Variants in CARMIL1 observed in about 807,000 individuals in gnomAD.
CARMIL1 encodes F-actin-uncapping protein LRRC16A.
A neutral mutation model predicts 177.1 loss-of-function variants in CARMIL1; 90 were observed. The observed-to-expected ratio is 0.51, with a 90% CI of 0.43 to 0.61. The LOEUF is 0.61. CARMIL1 is among the 20% of genes least tolerant of loss of function. CARMIL1 has a pLI of 0.00. For synonymous variants in CARMIL1, 577 were observed against 606.2 expected, an observed-to-expected ratio of 0.95 and a Z score of 0.71; for missense variants, 1,380 against 1,667.0, an observed-to-expected ratio of 0.83 and a Z score of 3.00.
chr6:25,423,490 G>A (rs1291131826), intron 3 of CARMIL1, among the ~76,000 whole-genome samples: 1 of 152,198 alleles, frequency 6.6e-6, no homozygotes, highest in Non-Finnish European at 1.5e-5. Context: ...TTAGCAGTTT[G>A]GAAGACCACA....
chr6:25,463,908 T>C (rs1270230023), intron 8 of CARMIL1, among the ~76,000 whole-genome samples: 2 of 142,786 alleles, frequency 1.4e-5, no homozygotes, highest in Admixed American at 7.4e-5. Flanking sequence ...CTGCAAGCTC[T>C]GCCTCCCGGG....
intron 2 of CARMIL1, among the ~76,000 whole-genome samples, chr6:25,303,328 T>C (rs950868884): frequency 6.6e-6 from 1 of 152,194 alleles, no homozygotes; most frequent in Non-Finnish European, 1.5e-5. Flanking sequence ...GCATCTCATT[T>C]CCTATTGGTT....
At chr6:25,461,198 G>A (rs531986474) in intron 8 of CARMIL1, among the ~76,000 whole-genome samples, 23 of 152,276 alleles carry the variant, frequency 1.5e-4, no homozygotes, top group African/African-American at 5.5e-4. Context: ...TGTAGAGACT[G>A]TTACCTTGCC....
rs556569872 is a variant in CARMIL1 at position 25,345,686 on chromosome 6, C to T, written c.138+60777C>T. 2.6e-5 allele frequency among the ~76,000 whole-genome samples: 4 copies of T among 152,202 alleles called. No individual in the cohort carries two copies. The East Asian group carries it at 5.8e-4, about 22-fold the overall frequency. ...GGCTTGAGTGCAGTGGCGTGATTTC[C>T]GCTCACTGCAACCTCCACCTCCCAG... is the stretch of plus-strand genomic sequence containing the variant. On this transcript the variant is annotated intron_variant, in intron 2 of 36. Coordinates refer to ENST00000329474, the MANE Select transcript of CARMIL1 (RefSeq NM_017640.6).
intron 17 of CARMIL1, among the ~76,000 whole-genome samples, chr6:25,504,314 A>G (rs1012068003): frequency 2.0e-5 from 3 of 152,118 alleles, no homozygotes; most frequent in African/African-American, 7.2e-5. Flanking sequence ...TAAGCAAATT[A>G]TTTTTGATTT....
intron 31 of CARMIL1, among the ~76,000 whole-genome samples, chr6:25,582,257 G>T (rs2151255311): frequency 6.6e-6 from 1 of 152,250 alleles, no homozygotes; most frequent in African/African-American, 2.4e-5. Flanking sequence ...GACACAGAAA[G>T]CTCTGTCATT....
At chr6:25,290,842 G>A (rs2064206) in intron 2 of CARMIL1, among the ~76,000 whole-genome samples, 109,972 of 152,118 alleles carry the variant, frequency 0.72, 40,433 homozygotes, top group African/African-American at 0.85. Flanking sequence ...CTGGAGTGCA[G>A]TGGCACTATC....
chr6:25,410,344 A>AAT (rs2150632258), intron 2 of CARMIL1, among the ~76,000 whole-genome samples: 1 of 152,272 alleles, frequency 6.6e-6, no homozygotes, highest in East Asian at 1.9e-4. Flanking sequence ...AGAAAAGTGA[A>AAT]ACTGATTTCT....
chr6:25,548,412 G>T (rs1487932716), intron 26 of CARMIL1, among the ~76,000 whole-genome samples: 1 of 152,140 alleles, frequency 6.6e-6, no homozygotes, highest in Non-Finnish European at 1.5e-5. Flanking sequence ...ACAATACTTT[G>T]CAGTTGACCT....
At chr6:25,563,796 G>C (rs74618676) in intron 29 of CARMIL1, 25,372 of 985,308 alleles carry the variant, frequency 0.026, 573 homozygotes, top group South Asian at 0.11. Context: ...CAGAACCACC[G>C]TCTGTGTAAA....
chr6:25,408,499 A>G (rs1048280900), intron 2 of CARMIL1, among the ~76,000 whole-genome samples: 29 of 152,220 alleles, frequency 1.9e-4, no homozygotes, highest in Non-Finnish European at 3.8e-4. Flanking sequence ...ACACTTTTCT[A>G]AGCACCTTGT....
chr6:25,397,805 G>A (rs185652170), intron 2 of CARMIL1, among the ~76,000 whole-genome samples: 136 of 152,088 alleles, frequency 8.9e-4, no homozygotes, highest in African/African-American at 3.2e-3. Flanking sequence ...TAATTTTCTC[G>A]GGGAATACAT....
intron 20 of CARMIL1, among the ~76,000 whole-genome samples, chr6:25,514,837 T>C (rs1805810529): frequency 6.6e-6 from 1 of 151,568 alleles, no homozygotes; most frequent in Non-Finnish European, 1.5e-5. Flanking sequence ...GGTGGGAGGA[T>C]GGCTTGAGCC....
chr6:25,314,294 G>A, intron 2 of CARMIL1, among the ~76,000 whole-genome samples: 1 of 139,694 alleles, frequency 7.2e-6, no homozygotes, highest in African/African-American at 2.7e-5. Context: ...CCAACATGGT[G>A]AAACCCTGTC....
At chr6:25,585,429 AATGCCAGC>A (rs1296203967) in intron 31 of CARMIL1, among the ~76,000 whole-genome samples, 1 of 152,254 alleles carries the variant, frequency 6.6e-6, no homozygotes, top group African/African-American at 2.4e-5. Flanking sequence ...GGCTGAGTTA[AATGCCAGC>A]ATGCCAGTTT....
chr6:25,282,337 T>C (rs1781194024), intron 1 of CARMIL1, among the ~76,000 whole-genome samples: 2 of 152,134 alleles, frequency 1.3e-5, no homozygotes, highest in Non-Finnish European at 2.9e-5. Flanking sequence ...GAGTGGCCTG[T>C]GCTTGTTTCT....
chr6:25,517,697 C>G (rs1432542852), intron 22 of CARMIL1, among the ~76,000 whole-genome samples: 1 of 152,168 alleles, frequency 6.6e-6, no homozygotes, highest in Non-Finnish European at 1.5e-5. Context: ...CTGTGTGAGA[C>G]TTGCCTTGTT....
intron 29 of CARMIL1, among the ~76,000 whole-genome samples, chr6:25,574,077 C>A (rs142045362): frequency 3.3e-5 from 5 of 152,252 alleles, no homozygotes; most frequent in African/African-American, 1.2e-4. Flanking sequence ...CACTTTCCAT[C>A]CCCAAGCTAT....
intron 2 of CARMIL1, among the ~76,000 whole-genome samples, chr6:25,298,401 T>C (rs553030043): frequency 6.6e-6 from 1 of 152,326 alleles, no homozygotes; most frequent in South Asian, 2.1e-4. Context: ...TCTACAGAAA[T>C]GGGTTTAGAA....
Sources: gnomAD v4.1 joint callset for allele counts (sites outside exome capture counted in the v4.1 genomes callset) on GRCh38, gnomAD v4.1.1 for gene constraint, MANE v1.5 for transcripts, NCBI Gene and HGNC (gene_info 2026-07-23, HGNC 2026-07-21) for gene names.